ATP2B3: variants seen among roughly 807,000 people sequenced by gnomAD.
The protein encoded by ATP2B3 is ATPase plasma membrane Ca2+ transporting 3, also known as plasma membrane calcium-transporting ATPase 3.
In ATP2B3, 12 loss-of-function variants were observed where a neutral mutation model predicts 70.8. The ratio of observed to expected loss-of-function variants is 0.17; its 90% confidence interval spans 0.11 to 0.27. The LOEUF is 0.27. ATP2B3 is among the 10% of genes least tolerant of loss of function. The probability of loss-of-function intolerance (pLI) is 1.00; values close to 1 mark genes in which losing one functional copy is unlikely to be tolerated. For synonymous variants in ATP2B3, 460 were observed against 497.8 expected, an observed-to-expected ratio of 0.92 and a Z score of 1.01; for missense variants, 858 against 1,118.5, an observed-to-expected ratio of 0.77 and a Z score of 3.32.
intron 21 of ATP2B3, among the ~76,000 whole-genome samples, chrX:153,570,820 A>G (rs1188188894): frequency 5.5e-5 from 6 of 108,939 alleles, no homozygotes; most frequent in African/African-American, 2.0e-4. Context: ...GCCTTTTTCC[A>G]TCACAGACTC....
At chrX:153,570,896 G>T (rs2090776273) in intron 21 of ATP2B3, among the ~76,000 whole-genome samples, 1 of 108,150 alleles carries the variant, frequency 9.2e-6, no homozygotes, top group African/African-American at 3.4e-5. Context: ...GGTCCCTGGT[G>T]GGGGTCACCC....
chrX:153,527,315 T>C (rs1414318278), intron 2 of ATP2B3, among the ~76,000 whole-genome samples: 1 of 112,614 alleles, frequency 8.9e-6, no homozygotes, highest in Non-Finnish European at 1.9e-5. Flanking sequence ...GCTAGAGTCT[T>C]TCACGCTGGC....
At chrX:153,548,573 C>T (rs1404242874) in intron 9 of ATP2B3, 67 bp from the exon 10 acceptor site, 5 of 998,455 alleles carry the variant, frequency 5.0e-6, no homozygotes, top group Admixed American at 2.3e-5. Flanking sequence ...CTCTTCTTCC[C>T]TCTTCCTGTC....
chrX:153,564,872 G>C (rs979569818), intron 20 of ATP2B3, 49 bp from the exon 21 acceptor site: 1 of 1,105,428 alleles, frequency 9.0e-7, no homozygotes, highest in Non-Finnish European at 1.2e-6. Context: ...ACACCAGGCA[G>C]ATGCTGCTCA....
At chrX:153,574,979 C>T in intron 21 of ATP2B3, 1 of 285,022 alleles carries the variant, frequency 3.5e-6, no homozygotes, top group South Asian at 3.3e-5. Context: ...GCCCACAGCA[C>T]TCAGCATGTC....
At chrX:153,528,542 T>C (rs1557000678) in intron 2 of ATP2B3, among the ~76,000 whole-genome samples, 2 of 111,492 alleles carry the variant, frequency 1.8e-5, no homozygotes, top group African/African-American at 3.3e-5. Context: ...AGGCTGGATT[T>C]GGGTTAGGAG....
intron 20 of ATP2B3, among the ~76,000 whole-genome samples, chrX:153,563,099 G>A (rs149863917): frequency 6.6e-5 from 7 of 106,587 alleles, no homozygotes; most frequent in East Asian, 5.9e-4. Flanking sequence ...CACATGAACT[G>A]GAGAGCACAG....
chrX:153,576,981 G>A (rs782130366), intron 21 of ATP2B3, among the ~76,000 whole-genome samples: 2 of 112,518 alleles, frequency 1.8e-5, no homozygotes, highest in Admixed American at 9.3e-5. Context: ...AGGGAAAATA[G>A]AGCCTGGAGA....
At chrX:153,552,721 G>C (rs782064908) in intron 12 of ATP2B3, among the ~76,000 whole-genome samples, 25 of 112,441 alleles carry the variant, frequency 2.2e-4, no homozygotes, top group African/African-American at 8.1e-4. Flanking sequence ...CCCAGTTCTG[G>C]AGGCCGGAAG....
At chrX:153,553,579 G>A (rs964580762) in intron 13 of ATP2B3, among the ~76,000 whole-genome samples, 2 of 112,308 alleles carry the variant, frequency 1.8e-5, no homozygotes, top group Non-Finnish European at 3.8e-5. Flanking sequence ...ACTGGAGGTG[G>A]TGCTGAAGCC....
At chrX:153,578,881 A>G (rs782042772) in intron 21 of ATP2B3, among the ~76,000 whole-genome samples, 9 of 112,643 alleles carry the variant, frequency 8.0e-5, no homozygotes, top group African/African-American at 2.9e-4. Flanking sequence ...AGATTGAACC[A>G]GACCCAGTCA....
intron 6 of ATP2B3, 72 bp downstream of exon 6, chrX:153,542,520 G>C: frequency 8.6e-7 from 1 of 1,158,272 alleles, no homozygotes; most frequent in Non-Finnish European, 1.2e-6. Context: ...ATCCTGTCCA[G>C]GCTGCCTGCT....
chrX:153,576,395 G>A (rs1358688854), intron 21 of ATP2B3, among the ~76,000 whole-genome samples: 2 of 111,888 alleles, frequency 1.8e-5, no homozygotes, highest in Non-Finnish European at 3.8e-5. Flanking sequence ...CTGGTACATA[G>A]GGTCAGGGGG....
chrX:153,528,752 CAGAT>C (rs1359126116), intron 2 of ATP2B3, among the ~76,000 whole-genome samples: 2 of 112,365 alleles, frequency 1.8e-5, no homozygotes, highest in African/African-American at 6.5e-5. Context: ...AAGATGGCAA[CAGAT>C]AGATAGCTGC....
At chrX:153,538,997 G>C (rs928985822) in intron 3 of ATP2B3, among the ~76,000 whole-genome samples, 1 of 112,783 alleles carries the variant, frequency 8.9e-6, no homozygotes, top group Non-Finnish European at 1.9e-5. Context: ...AGAGAGACTC[G>C]CATGGAGGCT....
rs782134558 is a variant in ATP2B3, at chrX:153,562,275, G to T, written c.3159+33G>T. The T allele has an allele frequency of 4.7e-5, 54 of 1,158,490 alleles. No homozygotes were observed. In the East Asian group the frequency reaches 1.6e-3, roughly 34 times the overall value. ...ACAGCCCTGCCCCTCATTTCAGACT[G>T]CCCTGCAGACAGCTTCTGTGATGGG... is the stretch of plus-strand genomic sequence containing the variant. On this transcript the variant is annotated intron_variant, in intron 20 of 21. Transcript: ENST00000263519.
intron 10 of ATP2B3, 137 bp from the exon 11 acceptor site, chrX:153,549,360 C>G (rs1569534530): frequency 3.6e-6 from 4 of 1,120,899 alleles, no homozygotes; most frequent in Non-Finnish European, 4.8e-6. Context: ...CAGGGCTGAC[C>G]AGGTGCCCAG....
At chrX:153,559,595 G>C (rs1557015292) in intron 17 of ATP2B3, 134 bp from the exon 18 acceptor site, 2 of 535,219 alleles carry the variant, frequency 3.7e-6, no homozygotes, top group Non-Finnish European at 6.1e-6. Context: ...TGTAGGGATG[G>C]AGATGTCTGT....
chrX:153,547,079 G>A (rs2124435976), intron 8 of ATP2B3, among the ~76,000 whole-genome samples: 1 of 111,875 alleles, frequency 8.9e-6, no homozygotes, highest in South Asian at 3.8e-4. Context: ...GGAGAAAGAC[G>A]AGTCTGCTCT....
Sources: allele counts gnomAD v4.1 joint callset (sites outside exome capture counted in the v4.1 genomes callset), GRCh38; gene constraint gnomAD v4.1.1; transcripts MANE v1.5; gene names NCBI Gene and HGNC (gene_info 2026-07-23, HGNC 2026-07-21).